KAZN: variants seen among roughly 807,000 people sequenced by gnomAD.
The protein encoded by KAZN is kazrin.
KAZN carries 40 observed loss-of-function variants against 87.4 expected under a neutral mutation model. The ratio of observed to expected loss-of-function variants is 0.46; its 90% confidence interval spans 0.36 to 0.60. The LOEUF (loss-of-function observed/expected upper bound fraction) is 0.60. KAZN is among the 20% of genes least tolerant of loss of function. The pLI, the probability that KAZN is intolerant of heterozygous loss-of-function variation, is 0.00. For synonymous variants in KAZN, 466 were observed against 458.3 expected (o/e 1.02, Z -0.22); for missense variants, 898 against 1,073.9 (o/e 0.84, Z 2.29).
intron 2 of KAZN, among the ~76,000 whole-genome samples, chr1:14,195,762 C>T (rs1377549699): frequency 6.6e-6 from 1 of 152,090 alleles, no homozygotes; most frequent in Admixed American, 6.5e-5. Context: ...AATTCTGCCC[C>T]TACTGATTGA....
At chr1:14,926,343 G>A (rs1659166410) in intron 1 of KAZN, among the ~76,000 whole-genome samples, 1 of 152,168 alleles carries the variant, frequency 6.6e-6, no homozygotes, top group Non-Finnish European at 1.5e-5. Flanking sequence ...CTCCATTTGT[G>A]TGTTCATCAT....
In KAZN at chr1:14,331,243, A is replaced by G. The variant is rs115027134; in HGVS notation, c.249+150651A>G. Among the ~76,000 whole-genome samples the G allele has an allele frequency of 2.0e-3, 309 of 152,302 alleles. 1 individual carries two copies. The highest frequency in any genetic ancestry group is 6.2e-3 in the African/African-American group (258 of 41,590). On this transcript the variant is annotated intron_variant, in intron 2 of 16. Coordinates refer to the KAZN transcript ENST00000636203. ...GAAACAGTGAGATAGAAGGGGCTTG[A>G]ATCTCCAAGTGAGAGGCATCCATGA...
At chr1:15,029,675 G>A (rs1043136841) in intron 2 of KAZN, among the ~76,000 whole-genome samples, 4 of 152,214 alleles carry the variant, frequency 2.6e-5, no homozygotes, top group Admixed American at 1.3e-4. Flanking sequence ...CCCTCCCAAG[G>A]TCTCCAACTG....
intron 1 of KAZN, among the ~76,000 whole-genome samples, chr1:14,050,340 A>G (rs1397624116): frequency 6.6e-6 from 1 of 152,208 alleles, no homozygotes; most frequent in African/African-American, 2.4e-5. Context: ...AGGCCCCTGT[A>G]GTAGTCTGTT....
chr1:13,893,581 T>C (rs1394052435), exon 1 of KAZN: 1 of 1,516,714 alleles, frequency 6.6e-7, no homozygotes, highest in Non-Finnish European at 8.9e-7. Flanking sequence ...CTGCAGTTCC[T>C]GGGCCAGCGA....
Position 15,058,308 on chromosome 1 carries a change from G to A in KAZN, c.917-1864G>A, listed in dbSNP as rs72639857. ...GAGGATGCCCAAGGTCACACAGCCT[G>A]TAGGGTAAACTCACCCAGATTGGAA... is the stretch of plus-strand genomic sequence containing the variant. On this transcript the variant is annotated intron_variant, in intron 5 of 14. Transcript: ENST00000376030. 5.2e-3 allele frequency among the ~76,000 whole-genome samples: 794 copies of A among 152,358 alleles called. 6 individuals are homozygous for A. Among genetic ancestry groups the A allele is most frequent in the East Asian group, 0.028 (143 of 5,176 alleles).
chr1:14,038,061 A>G (rs1328049732), intron 1 of KAZN, among the ~76,000 whole-genome samples: 1 of 152,102 alleles, frequency 6.6e-6, no homozygotes, highest in African/African-American at 2.4e-5. Context: ...CCATTCATCC[A>G]TCCATCCACT....
chr1:14,264,356 C>G (rs958916077), intron 2 of KAZN, among the ~76,000 whole-genome samples: 1 of 152,206 alleles, frequency 6.6e-6, no homozygotes, highest in African/African-American at 2.4e-5. Flanking sequence ...CTCTTCCAGT[C>G]ACATCAGCTG....
intron 1 of KAZN, among the ~76,000 whole-genome samples, chr1:13,976,645 C>A (rs1004484569): frequency 1.3e-5 from 2 of 152,030 alleles, no homozygotes; most frequent in Non-Finnish European, 2.9e-5. Flanking sequence ...TGTGGAAGTG[C>A]AGATTATATC....
chr1:13,903,898 T>C (rs183528699), intron 1 of KAZN, among the ~76,000 whole-genome samples: 1 of 152,208 alleles, frequency 6.6e-6, no homozygotes, highest in Admixed American at 6.5e-5. Flanking sequence ...GGAATGTATG[T>C]GGTGGGTCCC....
At chr1:14,635,180 T>C (rs1047798251) in intron 1 of KAZN, among the ~76,000 whole-genome samples, 6 of 152,192 alleles carry the variant, frequency 3.9e-5, no homozygotes, top group Admixed American at 1.3e-4. Context: ...GGTGGTGGAA[T>C]GGATTAGGGA....
At chr1:15,032,017 A>G (rs775508764) in intron 2 of KAZN, among the ~76,000 whole-genome samples, 5 of 152,008 alleles carry the variant, frequency 3.3e-5, no homozygotes, top group Non-Finnish European at 7.4e-5. Flanking sequence ...TCACAGAGTT[A>G]TGTATCCATC....
intron 2 of KAZN, among the ~76,000 whole-genome samples, chr1:14,245,284 G>A (rs1433968888): frequency 2.0e-5 from 3 of 152,164 alleles, no homozygotes; most frequent in Middle Eastern, 3.4e-3. Flanking sequence ...GCAGGCATCA[G>A]GTTGGTAGTG....
chr1:14,588,972 G>A (rs1490877595), intron 2 of KAZN, among the ~76,000 whole-genome samples: 4 of 152,192 alleles, frequency 2.6e-5, no homozygotes, highest in Admixed American at 2.6e-4. Flanking sequence ...CTGGAGGAGA[G>A]TTTGGGGCCA....
chr1:14,703,100 G>A (rs1642020272), intron 1 of KAZN, among the ~76,000 whole-genome samples: 1 of 152,192 alleles, frequency 6.6e-6, no homozygotes, highest in Non-Finnish European at 1.5e-5. Context: ...GTAAATAGTA[G>A]GGCAAGGATT....
intron 1 of KAZN, among the ~76,000 whole-genome samples, chr1:14,892,641 C>T (rs1367731642): frequency 1.3e-5 from 2 of 152,184 alleles, no homozygotes; most frequent in African/African-American, 2.4e-5. Flanking sequence ...AGCAAGCTTT[C>T]GAATGACCTC....
chr1:15,050,024 A>AGTAGGGTAGGGTAGGGTAGGGTAGG (rs762329299), intron 4 of KAZN, among the ~76,000 whole-genome samples: 10 of 120,354 alleles, frequency 8.3e-5, no homozygotes, highest in Non-Finnish European at 1.7e-4. Flanking sequence ...ATCAGAGTAG[A>AGTAGGGTAGGGTAGGGTAGGGTAGG]GTAGGGTAGG....
intron 1 of KAZN, among the ~76,000 whole-genome samples, chr1:14,139,313 C>T (rs1337441254): frequency 6.6e-6 from 1 of 152,216 alleles, no homozygotes; most frequent in Non-Finnish European, 1.5e-5. Flanking sequence ...GCTACTGTGT[C>T]ATCATTCCGG....
intron 2 of KAZN, among the ~76,000 whole-genome samples, chr1:14,330,763 G>A (rs1656796130): frequency 6.6e-6 from 1 of 152,112 alleles, no homozygotes; most frequent in East Asian, 1.9e-4. Flanking sequence ...TGCGTGGGGG[G>A]TTGGTTATAT....
Sources: allele counts gnomAD v4.1 joint callset (sites outside exome capture counted in the v4.1 genomes callset), GRCh38; gene constraint gnomAD v4.1.1; transcripts MANE v1.5; gene names NCBI Gene and HGNC (gene_info 2026-07-23, HGNC 2026-07-21).